RPAIN: variants seen among roughly 807,000 people sequenced by gnomAD.
RPAIN encodes RPA interacting protein, also known as RPA-interacting protein.
Under a neutral mutation model 30.5 loss-of-function variants are expected in RPAIN, and 29 were observed. That is an observed-to-expected ratio of 0.95 (90% CI 0.71 to 1.30). The LOEUF is 1.30. Ranked by LOEUF, RPAIN falls within the 50% of genes most tolerant of loss-of-function variation. The probability of loss-of-function intolerance (pLI) is 0.00; values close to 1 mark genes in which losing one functional copy is unlikely to be tolerated. For missense variants in RPAIN, 247 were observed against 264.7 expected (o/e 0.93, Z 0.46); for synonymous variants, 101 against 93.5 (o/e 1.08, Z -0.46).
At chr17:5,420,912 G>A (rs941782098) in intron 1 of RPAIN, among the ~76,000 whole-genome samples, 2 of 152,306 alleles carry the variant, frequency 1.3e-5, no homozygotes, top group African/African-American at 4.8e-5. Context: ...ATTGCCAAAT[G>A]TTCCTTGGGG....
chr17:5,429,205 G>T, intron 6 of RPAIN: 1 of 985,064 alleles, frequency 1.0e-6, no homozygotes. Context: ...AGAGGAGGGT[G>T]ATCTCCTTTA....
In RPAIN at chr17:5,432,747, AG is replaced by A; in HGVS notation, c.*181del. On this transcript the variant is annotated 3_prime_UTR_variant, in exon 7 of 7. Transcript: ENST00000381209. ...CTTGGTCTTTTGTGACGCAGGTTGAAGGGGGAGGAATAGAAAAAGACAAACT... is the reference window on the plus strand; with the variant it reads ...CTTGGTCTTTTGTGACGCAGGTTGAAGGGGAGGAATAGAAAAAGACAAACT... 1.3e-6 allele frequency: 1 copy of A among 770,552 alleles called. No homozygotes were observed. The highest frequency in any genetic ancestry group is 2.0e-6 in the Non-Finnish European group (1 of 497,986). 47.7% of individuals were successfully genotyped at this position (770,552 alleles called of 1,614,324 possible).
Position 5,432,866 on chromosome 17 carries a change from G to C in RPAIN, c.*295G>C, listed in dbSNP as rs1039272260. On this transcript the variant is annotated 3_prime_UTR_variant, in exon 7 of 7. Transcript: ENST00000381209. ...TACAGAAAAAAATGATAATAAATGA[G>C]AACACAAAACATATAATTTAAATTT... is the stretch of plus-strand genomic sequence containing the variant. 79 of 1,001,014 alleles carry C rather than the reference G, an allele frequency of 7.9e-5. No individual in the cohort carries two copies. The highest frequency in any genetic ancestry group is 1.1e-4 in the Non-Finnish European group (78 of 712,864). The allele number at this position is 1,001,014 out of a possible 1,614,324, so 62.0% of individuals were successfully genotyped here.
At chr17:5,424,356 G>A (rs367977132) in intron 3 of RPAIN, among the ~76,000 whole-genome samples, 230 of 152,188 alleles carry the variant, frequency 1.5e-3, no homozygotes, top group African/African-American at 5.2e-3. Flanking sequence ...GTCTCAAACA[G>A]CTGGACTCAA....
chr17:5,429,382 C>T (rs902819298), intron 6 of RPAIN: 2 of 985,428 alleles, frequency 2.0e-6, no homozygotes, highest in African/African-American at 3.5e-5. Flanking sequence ...CAAAGAGCAT[C>T]TTGTTCTACT....
At chr17:5,421,193 G>T in intron 1 of RPAIN, 103 bp from the exon 2 acceptor site, 1 of 1,142,440 alleles carries the variant, frequency 8.8e-7, no homozygotes, top group Non-Finnish European at 1.2e-6. Context: ...TTGAAATTTT[G>T]TGTCTATAAA....
At chr17:5,430,032 G>T (rs945142506) in intron 6 of RPAIN, 1 of 152,254 alleles carries the variant, frequency 6.6e-6, no homozygotes, top group Non-Finnish European at 1.5e-5. Context: ...GCTGGACATG[G>T]TGGTGGGTGC....
Position 5,421,473 on chromosome 17 carries a change from C to T in RPAIN, c.252+7C>T. The stretch of plus-strand genomic sequence containing the variant: ...TCCAGAAGACTTGGCTCAGGTCAGG[C>T]TGGGCTATGTGTTTTCAGGGAGGGG... On this transcript the variant is annotated splice_region_variant and intron_variant, in intron 2 of 6. Transcript: ENST00000381209. 1 of 1,613,250 alleles carries T rather than the reference C, an allele frequency of 6.2e-7. No homozygotes were observed. The highest frequency in any genetic ancestry group is 8.5e-7 in the Non-Finnish European group (1 of 1,179,636).
At chr17:5,424,647 C>T (rs1417711912) in intron 3 of RPAIN, among the ~76,000 whole-genome samples, 3 of 152,128 alleles carry the variant, frequency 2.0e-5, no homozygotes, top group Non-Finnish European at 2.9e-5. Context: ...GTGGCACCGA[C>T]CAAAGCACTT....
intron 6 of RPAIN, 101 bp from the exon 7 acceptor site, chr17:5,432,441 C>A (rs2151674831): frequency 9.2e-7 from 1 of 1,091,502 alleles, no homozygotes; most frequent in Non-Finnish European, 1.4e-6. Context: ...ACTCAGGAGA[C>A]CTCATCTAAT....
At position 5,428,065 on chromosome 17, in the gene RPAIN, T is replaced by C. The variant is rs1263766645; in HGVS notation, c.490-6T>C. On this transcript the variant is annotated splice_region_variant and splice_polypyrimidine_tract_variant and intron_variant, in intron 5 of 6. Transcript: ENST00000381209. ...TGAGAGGAGGTTGAACTTTTTTATT[T>C]TGTAGTCTTCTGAGTTGACAGAGCA... is the stretch of plus-strand genomic sequence containing the variant. 3 of 1,614,074 alleles carry C rather than the reference T, an allele frequency of 1.9e-6. No homozygotes were observed. Among genetic ancestry groups the C allele is most frequent in the Middle Eastern group, 1.7e-4 (1 of 6,048 alleles).
chr17:5,420,388 C>G (rs1258893552), intron 1 of RPAIN, 97 bp downstream of exon 1: 1 of 1,050,508 alleles, frequency 9.5e-7, no homozygotes, highest in Non-Finnish European at 1.4e-6. Flanking sequence ...GAGCAGGTGC[C>G]GCAGCGCGCC....
At chr17:5,431,472 G>C (rs755578607) in intron 6 of RPAIN, 1 of 371,298 alleles carries the variant, frequency 2.7e-6, no homozygotes, top group African/African-American at 4.0e-5. Context: ...GGGTGACAGC[G>C]AGATTGTGCC....
In RPAIN at chr17:5,426,580, G is replaced by A. The variant is rs1915415501; in HGVS notation, c.489+281G>A. 4 of 328,792 alleles carry A rather than the reference G, an allele frequency of 1.2e-5. No homozygotes were observed. In the South Asian group the frequency reaches 1.9e-4, roughly 15 times the overall value. 20.4% of individuals were successfully genotyped at this position (328,792 alleles called of 1,614,324 possible). A position where few individuals can be genotyped will look rare whatever the true frequency, so the allele number is the denominator to read the frequency against. ...GGGATTGGTAACGCCTGTATCTGAC[G>A]TTTCATAAAAATTTTCTATATATGA... is the stretch of plus-strand genomic sequence containing the variant. On this transcript the variant is annotated intron_variant, in intron 5 of 6. Transcript: ENST00000381209.
chr17:5,420,268 C>T lies in RPAIN; in HGVS notation c.58C>T (p.Pro20Ser), dbSNP rs1182536923. ...RSLYKLVGSP[P>S]WKEAFRQRCL... ...CCTGTACAAACTGGTGGGCTCGCCG[C>T]CTTGGAAAGAGGCTTTCCGGCAGGT... Residue 20 changes from proline (P) to serine (S), a missense_variant, in exon 1 of 7, where the codon CCT becomes TCT. Physicochemically the swap from Pro to Ser is moderately conservative, Grantham distance 74 (BLOSUM62 -1). Coordinates refer to ENST00000381209, the MANE Select transcript of RPAIN (RefSeq NM_001033002.4). The T allele has an allele frequency of 6.2e-7, 1 of 1,613,648 alleles. No homozygotes were observed. Among genetic ancestry groups the T allele is most frequent in the East Asian group, 2.2e-5 (1 of 44,850 alleles).
At position 5,422,822 on chromosome 17, in the gene RPAIN, CA is replaced by C. The variant is rs1915003358; in HGVS notation, c.308del (p.Asn103ThrfsTer43). ...TGGAGGAAATTCAACAGGAGCTGAT[CA>C]ACCAAGGTAACCCCTAGTGGTAGTC... The part of the protein sequence containing the change: ...VLEEIQQELI[N>X]QEQSIISEYE... On this transcript the variant is annotated frameshift_variant, in exon 3 of 7. Coordinates refer to ENST00000381209, the MANE Select transcript of RPAIN (RefSeq NM_001033002.4). LOFTEE classifies it high-confidence loss of function. 1.2e-6 allele frequency: 2 copies of C among 1,609,886 alleles called. No individual in the cohort carries two copies. The highest frequency in any genetic ancestry group is 1.7e-6 in the Non-Finnish European group (2 of 1,176,738).
intron 3 of RPAIN, 198 bp downstream of exon 3, chr17:5,423,027 C>A: frequency 2.1e-6 from 1 of 476,996 alleles, no homozygotes; most frequent in South Asian, 4.0e-5. Context: ...AGACCTTGTG[C>A]TAAGAACTTC....
chr17:5,423,991 AT>A (rs35718658), intron 3 of RPAIN, among the ~76,000 whole-genome samples: 37,018 of 134,354 alleles, frequency 0.28, 5,733 homozygotes, highest in East Asian at 0.8. Context: ...TTATTTATGT[AT>A]TTTTTTTTTT....
At chr17:5,429,107 C>A in intron 6 of RPAIN, 3 of 985,242 alleles carry the variant, frequency 3.0e-6, no homozygotes, top group Non-Finnish European at 3.6e-6. Flanking sequence ...ACATCTCTCA[C>A]AGAGCTCAAG....
Sources: allele counts gnomAD v4.1 joint callset (sites outside exome capture counted in the v4.1 genomes callset), GRCh38; gene constraint gnomAD v4.1.1; transcripts MANE v1.5; gene names NCBI Gene and HGNC (gene_info 2026-07-23, HGNC 2026-07-21).